TRAPPC9: variants seen among roughly 807,000 people sequenced by gnomAD.
TRAPPC9 encodes IKK2 binding protein.
Under a neutral mutation model 124.0 loss-of-function variants are expected in TRAPPC9, and 83 were observed. The ratio of observed to expected loss-of-function variants is 0.67; its 90% CI spans 0.56 to 0.80. The LOEUF (loss-of-function observed/expected upper bound fraction) is 0.80. Among genes scored for constraint, TRAPPC9 ranks in the 30% least tolerant of loss-of-function variants. The pLI is 0.00. For missense variants in TRAPPC9, 1,302 were observed against 1,508.3 expected, an observed-to-expected ratio of 0.86 and a Z score of 2.27; for synonymous variants, 638 against 617.5, an observed-to-expected ratio of 1.03 and a Z score of -0.49.
chr8:140,050,649 G>A (rs10088725), intron 17 of TRAPPC9, among the ~76,000 whole-genome samples: 79,850 of 151,934 alleles, frequency 0.53, 22,045 homozygotes, highest in Middle Eastern at 0.64. Context: ...ACCTCCACCC[G>A]GGGCACAGGA....
At chr8:140,458,556 T>G (rs763073837), upstream of TRAPPC9, 33 of 1,574,472 alleles carry the variant, frequency 2.1e-5, no homozygotes, top group Admixed American at 9.0e-5. Context: ...GATCCCCAGC[T>G]GGCACCATGG....
At chr8:139,949,672 T>C (rs1446241375) in intron 19 of TRAPPC9, among the ~76,000 whole-genome samples, 1 of 151,890 alleles carries the variant, frequency 6.6e-6, no homozygotes, top group Non-Finnish European at 1.5e-5. Context: ...ATTCCACTTA[T>C]ATGAAATGTC....
rs79092319 is a variant in TRAPPC9, at chr8:140,087,456, A to G, written c.2557-63377T>C. Among the ~76,000 whole-genome samples, 4,406 of 152,290 alleles carry G rather than the reference A, an allele frequency of 0.029. 77 individuals carry two copies. Among genetic ancestry groups the G allele is most frequent in the South Asian group, 0.04 (192 of 4,822 alleles). On this transcript the variant is annotated intron_variant, in intron 17 of 22. Coordinates refer to ENST00000438773, the MANE Select transcript of TRAPPC9 (RefSeq NM_001160372.4). This position sits in a 1 kb window ranked among gnomAD's most constrained non-coding sequence, Gnocchi z 4.6. ...AACAGGCTCCCGCACAGCCCCGCTG[A>G]AGAGCCGAACGGTGCTCACACATGA...
intron 13 of TRAPPC9, among the ~76,000 whole-genome samples, chr8:140,286,181 G>A (rs1031150800): frequency 6.6e-6 from 1 of 152,244 alleles, no homozygotes; most frequent in African/African-American, 2.4e-5. Context: ...ATGGGACACA[G>A]GCAAAGCCTC....
chr8:139,854,088 C>A (rs1178639742), intron 21 of TRAPPC9, among the ~76,000 whole-genome samples: 1 of 152,170 alleles, frequency 6.6e-6, no homozygotes, highest in Non-Finnish European at 1.5e-5. Context: ...ACACATCTGA[C>A]CACGTTTTTG....
At chr8:140,253,907 G>A (rs2064186999) in intron 15 of TRAPPC9, among the ~76,000 whole-genome samples, 2 of 152,142 alleles carry the variant, frequency 1.3e-5, no homozygotes, top group Non-Finnish European at 2.9e-5. Context: ...TGTGTAAAAT[G>A]GGGATAACAA....
At chr8:140,006,099 C>T (rs1468938484) in intron 18 of TRAPPC9, among the ~76,000 whole-genome samples, 2 of 152,064 alleles carry the variant, frequency 1.3e-5, no homozygotes, top group Non-Finnish European at 2.9e-5. Context: ...AGGTGACAAG[C>T]CTGAGTCAAC....
chr8:139,866,328 GA>G (rs1198180637), intron 21 of TRAPPC9, among the ~76,000 whole-genome samples: 2 of 152,222 alleles, frequency 1.3e-5, no homozygotes, highest in Non-Finnish European at 2.9e-5. Flanking sequence ...GGCTGAGGAG[GA>G]AGTCCATTCA....
rs370523412 is a variant in TRAPPC9 at position 140,385,374 on chromosome 8, CAGG to C, written c.1134+12243_1134+12245del. Among the ~76,000 whole-genome samples the C allele has an allele frequency of 6.0e-4, 92 of 152,068 alleles. No individual in the cohort carries two copies. The East Asian group carries it at 0.012, about 19-fold the overall frequency. Reference sequence around the variant, plus strand: ...AAAAACCTTTAAAAATCAATGAATCCAGGAGCTGGTTTTTTGAAAAGATCAACA... The same window carrying C: ...AAAAACCTTTAAAAATCAATGAATCCAGCTGGTTTTTTGAAAAGATCAACA... On this transcript the variant is annotated intron_variant, in intron 7 of 22. Coordinates refer to ENST00000438773, the MANE Select transcript of TRAPPC9 (RefSeq NM_001160372.4).
chr8:140,023,479 T>G (rs1245509923), intron 18 of TRAPPC9, among the ~76,000 whole-genome samples: 6 of 152,342 alleles, frequency 3.9e-5, no homozygotes, highest in African/African-American at 1.4e-4. Flanking sequence ...AATGACCTGA[T>G]GCCAAGATGG....
intron 1 of TRAPPC9, among the ~76,000 whole-genome samples, chr8:140,455,797 C>T (rs145837715): frequency 3.3e-4 from 51 of 152,240 alleles, no homozygotes; most frequent in Admixed American, 3.1e-3. Context: ...GCCTGATACA[C>T]AAAATGTTAA....
chr8:140,442,688 T>C (rs2071065130), intron 2 of TRAPPC9, among the ~76,000 whole-genome samples: 1 of 151,844 alleles, frequency 6.6e-6, no homozygotes, highest in African/African-American at 2.4e-5. Context: ...GGTATTCTAG[T>C]CCAAAAAACA....
At chr8:140,231,366 C>A (rs564297829) in intron 16 of TRAPPC9, among the ~76,000 whole-genome samples, 2 of 151,328 alleles carry the variant, frequency 1.3e-5, no homozygotes, top group African/African-American at 2.4e-5. Context: ...TTAATGACTT[C>A]ATGAATGAAT....
At chr8:140,064,307 T>C (rs1415115435) in intron 17 of TRAPPC9, among the ~76,000 whole-genome samples, 1 of 152,178 alleles carries the variant, frequency 6.6e-6, no homozygotes, top group African/African-American at 2.4e-5. Flanking sequence ...CATTCATCGA[T>C]GTATACCTAG....
At chr8:140,059,554 G>C (rs1420562963) in intron 17 of TRAPPC9, among the ~76,000 whole-genome samples, 1 of 152,162 alleles carries the variant, frequency 6.6e-6, no homozygotes, top group African/African-American at 2.4e-5. Context: ...CCACACCATT[G>C]TACACTGTCA....
At chr8:140,133,309 A>G (rs939411558) in intron 17 of TRAPPC9, among the ~76,000 whole-genome samples, 1 of 152,280 alleles carries the variant, frequency 6.6e-6, no homozygotes, top group Non-Finnish European at 1.5e-5. Context: ...AAAGATCCAC[A>G]TGATCATCTC....
rs539549211 is a variant in TRAPPC9 at position 139,995,774 on chromosome 8, C to T, written c.2700-6938G>A. Among the ~76,000 whole-genome samples the T allele has an allele frequency of 5.3e-5, 8 of 149,812 alleles. No individual in the cohort carries two copies. In the East Asian group the frequency reaches 5.9e-4, roughly 11 times the overall value. On this transcript the variant is annotated intron_variant, in intron 18 of 22. Transcript: ENST00000438773. The stretch of plus-strand genomic sequence containing the variant: ...ACTGATCTCCAGGCAAGAATGCCGA[C>T]GGGCACCCACATGCGGCTGATCCAA...
intron 10 of TRAPPC9, among the ~76,000 whole-genome samples, chr8:140,307,188 A>G (rs757335312): frequency 4.6e-5 from 7 of 152,228 alleles, no homozygotes; most frequent in Non-Finnish European, 8.8e-5. Context: ...TCCTGGACAC[A>G]GTAGCAAGAG....
intron 17 of TRAPPC9, among the ~76,000 whole-genome samples, chr8:140,174,061 G>C (rs763174686): frequency 1.3e-5 from 2 of 152,134 alleles, no homozygotes; most frequent in Non-Finnish European, 2.9e-5. Context: ...GAGTTTGGGG[G>C]GTAAAGGGCA....
Sources: allele counts gnomAD v4.1 joint callset (sites outside exome capture counted in the v4.1 genomes callset), GRCh38; gene constraint gnomAD v4.1.1; non-coding constraint Gnocchi (gnomAD v3.1); transcripts MANE v1.5; gene names NCBI Gene and HGNC (gene_info 2026-07-23, HGNC 2026-07-21).